DPY30: variants seen among roughly 807,000 people sequenced by gnomAD.
DPY30 encodes the protein dpy-30 histone methyltransferase complex regulatory subunit.
Under a neutral mutation model 16.2 loss-of-function variants are expected in DPY30, and 6 were observed. The observed-to-expected ratio is 0.37, with a 90% CI of 0.20 to 0.73. DPY30 has a LOEUF of 0.73. Ranked by LOEUF, DPY30 falls within the 30% of genes least tolerant of loss-of-function variation. The pLI, the probability that DPY30 is intolerant of heterozygous loss-of-function variation, is 0.51. For synonymous variants in DPY30, 39 were observed against 38.8 expected (o/e 1.00, Z -0.02); for missense variants, 73 against 113.1 (o/e 0.65, Z 1.61).
downstream of DPY30, among the ~76,000 whole-genome samples, chr2:32,022,269 G>C (rs1464164763): frequency 1.4e-5 from 2 of 146,488 alleles, no homozygotes; most frequent in Non-Finnish European, 3.0e-5. Flanking sequence ...TCACTAAAAA[G>C]ACTTGGGTGG....
rs397984233 is a variant in DPY30, at chr2:32,012,419, C to CTTTTTTTTTT, written n.378-377_378-368dup. On this transcript the variant is annotated intron_variant and non_coding_transcript_variant, in intron 5 of 5. Coordinates refer to the DPY30 transcript ENST00000414013. The stretch of plus-strand genomic sequence containing the variant: ...TGTATCCAAAACCTCTCTCTTTTTT[C>CTTTTTTTTTT]TTTTTTTTTTTTTTTTTTTTTTTTT... 1.7e-3 allele frequency among the ~76,000 whole-genome samples: 140 copies of CTTTTTTTTTT among 81,708 alleles called. 5 individuals carry two copies. The highest frequency in any genetic ancestry group is 2.3e-3 in the Non-Finnish European group (96 of 41,494). 53.6% of individuals were successfully genotyped at this position (81,708 alleles called of 152,430 possible).
At chr2:32,016,123 C>T (rs1256321031) in intron 5 of DPY30, among the ~76,000 whole-genome samples, 1 of 152,152 alleles carries the variant, frequency 6.6e-6, no homozygotes, top group African/African-American at 2.4e-5. Context: ...TGGTCTCGAA[C>T]TCCTGACCTC....
intron 3 of DPY30, among the ~76,000 whole-genome samples, chr2:32,037,055 G>A (rs533878315): frequency 6.6e-6 from 1 of 152,258 alleles, no homozygotes; most frequent in Admixed American, 6.5e-5. Context: ...ATCTACAACT[G>A]GCAAAATATC....
At chr2:32,012,689 C>T (rs1449742833) in intron 5 of DPY30, among the ~76,000 whole-genome samples, 2 of 152,022 alleles carry the variant, frequency 1.3e-5, no homozygotes, top group African/African-American at 2.4e-5. Context: ...CCACCGGCCT[C>T]GGCCTCCCAA....
chr2:32,034,290 T>C (rs1361326667), intron 3 of DPY30, among the ~76,000 whole-genome samples: 2 of 152,156 alleles, frequency 1.3e-5, no homozygotes, highest in Non-Finnish European at 2.9e-5. Flanking sequence ...AAGAGGTTTA[T>C]TTGGCCACAG....
chr2:32,030,455 C>T (rs1161541223), intron 3 of DPY30, among the ~76,000 whole-genome samples: 1 of 151,842 alleles, frequency 6.6e-6, no homozygotes, highest in Non-Finnish European at 1.5e-5. Flanking sequence ...ACAGTGAAAC[C>T]CCATCTCTAT....
At chr2:32,035,389 G>A (rs955627086) in intron 3 of DPY30, among the ~76,000 whole-genome samples, 14 of 147,778 alleles carry the variant, frequency 9.5e-5, no homozygotes, top group African/African-American at 3.5e-4. Context: ...GGATCACGAG[G>A]TCAGGAGATC....
intron 3 of DPY30, among the ~76,000 whole-genome samples, chr2:32,038,166 C>T (rs1345623762): frequency 7.2e-6 from 1 of 139,554 alleles, no homozygotes; most frequent in Admixed American, 7.5e-5. Context: ...GACAAAGTCT[C>T]GCTTTATCAC....
chr2:32,038,885 TG>T (rs1675857135), intron 3 of DPY30, among the ~76,000 whole-genome samples: 1 of 152,156 alleles, frequency 6.6e-6, no homozygotes, highest in Non-Finnish European at 1.5e-5. Context: ...TGACCTCAGG[TG>T]GTCCGCCAGC....
At chr2:32,036,628 G>A (rs1675750414) in intron 3 of DPY30, among the ~76,000 whole-genome samples, 5 of 144,846 alleles carry the variant, frequency 3.5e-5, no homozygotes, top group Admixed American at 7.0e-5. Flanking sequence ...CCAAGATCAC[G>A]CCACTGCACT....
chr2:32,014,578 G>T (rs2148649054), intron 5 of DPY30, among the ~76,000 whole-genome samples: 1 of 152,076 alleles, frequency 6.6e-6, no homozygotes, highest in South Asian at 2.1e-4. Context: ...CCGCCTCCCG[G>T]GTTCATGCCA....
rs1050367987 is a variant in DPY30, at chr2:32,039,716, G to T, written c.-37+17C>A. ...ACCTAGAATAAGTGAGAAAGTGGGGGAAAGGGAGCTGATTACCCGCGCCCA... is the reference window on the plus strand; with the variant it reads ...ACCTAGAATAAGTGAGAAAGTGGGGTAAAGGGAGCTGATTACCCGCGCCCA... On this transcript the variant is annotated intron_variant, in intron 1 of 4. Transcript: ENST00000342166. 2.8e-5 allele frequency: 16 copies of T among 576,400 alleles called. No homozygotes were observed. Among genetic ancestry groups the T allele is most frequent in the Non-Finnish European group, 3.7e-5 (12 of 323,468 alleles). 35.7% of individuals were successfully genotyped at this position (576,400 alleles called of 1,614,324 possible). A position where few individuals can be genotyped will look rare whatever the true frequency, so the allele number is the denominator to read the frequency against.
intron 5 of DPY30, among the ~76,000 whole-genome samples, chr2:32,018,146 G>C (rs914074034): frequency 6.6e-6 from 1 of 152,002 alleles, no homozygotes; most frequent in Non-Finnish European, 1.5e-5. Context: ...CACGTTTGTA[G>C]AAAAATTAGG....
chr2:32,029,553 G>A (rs1409578846), intron 4 of DPY30, 41 bp downstream of exon 4: 4 of 1,601,258 alleles, frequency 2.5e-6, no homozygotes, highest in Non-Finnish European at 3.4e-6. Flanking sequence ...AATCTATTTT[G>A]CTTTCTTTAC....
intron 5 of DPY30, among the ~76,000 whole-genome samples, chr2:32,015,412 G>C (rs555004858): frequency 9.2e-5 from 14 of 152,054 alleles, no homozygotes; most frequent in Non-Finnish European, 1.6e-4. Context: ...CTGAACACTA[G>C]ACTAAGTACA....
chr2:32,024,121 A>G lies in DPY30; in HGVS notation c.*63T>C. ...AAAGAGGGAATGATCATGGCAATTA[A>G]AGCTGCCTCTTAATCATGTAAATCT... On this transcript the variant is annotated 3_prime_UTR_variant, in exon 5 of 5. Coordinates refer to ENST00000342166, the MANE Select transcript of DPY30 (RefSeq NM_001321209.2). The G allele has an allele frequency of 6.3e-7, 1 of 1,574,816 alleles. No homozygotes were observed. Among genetic ancestry groups the G allele is most frequent in the Non-Finnish European group, 8.6e-7 (1 of 1,160,278 alleles).
At chr2:32,035,523 G>A (rs1675701950) in intron 3 of DPY30, among the ~76,000 whole-genome samples, 1 of 151,632 alleles carries the variant, frequency 6.6e-6, no homozygotes, top group Non-Finnish European at 1.5e-5. Flanking sequence ...CCAGGAAGCG[G>A]AGATTATAGT....
Position 32,039,609 on chromosome 2 carries a change from C to T in DPY30, c.-36-117G>A, listed in dbSNP as rs1011888782. On this transcript the variant is annotated intron_variant, in intron 1 of 4. Transcript: ENST00000342166. ...CACCCCCACCTGGGCGCGGGAGCAC[C>T]ACGAGCAGTAGAGCAGCAGAGTGGG... 4.0e-5 allele frequency: 37 copies of T among 935,970 alleles called. 1 individual carries two copies. In the Admixed American group the frequency reaches 5.5e-4, roughly 14 times the overall value. 58.0% of individuals were successfully genotyped at this position (935,970 alleles called of 1,614,324 possible). A position where few individuals can be genotyped will look rare whatever the true frequency, so the allele number is the denominator to read the frequency against.
At chr2:32,014,135 A>C (rs1374679876) in intron 5 of DPY30, among the ~76,000 whole-genome samples, 1 of 152,198 alleles carries the variant, frequency 6.6e-6, no homozygotes, top group East Asian at 1.9e-4. Flanking sequence ...AAACAACCAC[A>C]ATGTCCACCA....
Sources: allele counts gnomAD v4.1 joint callset (sites outside exome capture counted in the v4.1 genomes callset), GRCh38; gene constraint gnomAD v4.1.1; transcripts MANE v1.5; gene names NCBI Gene and HGNC (gene_info 2026-07-23, HGNC 2026-07-21).